SCML2: variants seen among roughly 807,000 people sequenced by gnomAD.
SCML2 encodes sex comb on midleg-like protein 2.
In SCML2, 6 loss-of-function variants were observed where a neutral mutation model predicts 48.4. That is an observed-to-expected ratio of 0.12 (90% confidence interval 0.07 to 0.24). SCML2 has a LOEUF of 0.24. SCML2 is among the 10% of genes least tolerant of loss of function. The pLI is 1.00. For synonymous variants in SCML2, 181 were observed against 189.5 expected, an observed-to-expected ratio of 0.95 and a Z score of 0.37; for missense variants, 377 against 528.2, an observed-to-expected ratio of 0.71 and a Z score of 2.81.
At chrX:18,297,997 AG>A (rs1177826494) in intron 7 of SCML2, among the ~76,000 whole-genome samples, 1 of 111,042 alleles carries the variant, frequency 9.0e-6, no homozygotes, top group Non-Finnish European at 1.9e-5. Context: ...TGACAGAGCA[AG>A]AACCAGTCTC....
intron 7 of SCML2, among the ~76,000 whole-genome samples, chrX:18,271,760 A>C (rs1190150979): frequency 4.6e-5 from 5 of 109,849 alleles, no homozygotes; most frequent in African/African-American, 1.3e-4. Context: ...TCATAGATAA[A>C]AGTTTTGTTC....
rs1602083180 is a variant in SCML2, at chrX:18,258,253, G to A, written c.1070-6C>T. The A allele has an allele frequency of 1.7e-6, 2 of 1,189,134 alleles. No individual in the cohort carries two copies. The highest frequency in any genetic ancestry group is 2.3e-6 in the Non-Finnish European group (2 of 877,593). On this transcript the variant is annotated splice_region_variant and splice_polypyrimidine_tract_variant and intron_variant, in intron 9 of 14. Transcript: ENST00000251900. The stretch of plus-strand genomic sequence containing the variant: ...TTTGTTTACATAGACACAGACTTGA[G>A]AAAAAATGCGTATGCATACATAACA...
chrX:18,305,126 C>G lies in SCML2; in HGVS notation c.576G>C (p.Ala192=). 8.3e-7 allele frequency: 1 copy of G among 1,210,436 alleles called. No individual in the cohort carries two copies. The highest frequency in any genetic ancestry group is 1.1e-6 in the Non-Finnish European group (1 of 895,052). Residue 192 remains alanine, a synonymous_variant, in exon 7 of 15, where the codon GCG becomes GCC. Coordinates refer to ENST00000251900, the MANE Select transcript of SCML2 (RefSeq NM_006089.3). ...DKKNPYLICP[A]TIGDVKGDEV... ...CATCCCCTTTAACATCTCCAATGGT[C>G]GCAGGACAGATGAGATACGGGTTCT... is the stretch of plus-strand genomic sequence containing the variant.
At chrX:18,320,513 T>C (rs935839402) in intron 5 of SCML2, 93 bp from the exon 6 acceptor site, 20 of 494,136 alleles carry the variant, frequency 4.0e-5, no homozygotes, top group Non-Finnish European at 5.6e-5. Context: ...TCACCATTCT[T>C]CTCGAGAGAA....
chrX:18,290,902 A>T (rs1322887788), intron 7 of SCML2, among the ~76,000 whole-genome samples: 1 of 111,481 alleles, frequency 9.0e-6, no homozygotes, highest in Non-Finnish European at 1.9e-5. Context: ...GACTTTAATG[A>T]AATGACTGGC....
intron 8 of SCML2, among the ~76,000 whole-genome samples, chrX:18,264,345 T>C (rs986301576): frequency 2.7e-5 from 3 of 110,878 alleles, no homozygotes; most frequent in Non-Finnish European, 5.7e-5. Context: ...TTACTTCAGA[T>C]ATTGTATTTT....
At position 18,306,684 on chromosome X, in the gene SCML2, A is replaced by G. The variant is rs1344706396; in HGVS notation, c.487-1469T>C. 2.7e-5 allele frequency among the ~76,000 whole-genome samples: 3 copies of G among 111,662 alleles called. 1 individual carries two copies. The highest frequency in any genetic ancestry group is 6.5e-5 in the African/African-American group (2 of 30,695). On this transcript the variant is annotated intron_variant, in intron 6 of 14. Coordinates refer to ENST00000251900, the MANE Select transcript of SCML2 (RefSeq NM_006089.3). ...TAATTCTCTCATCAATTTAAAAAAT[A>G]TATCTGGTAGGTTGGTTTCTTTTTC... is the stretch of plus-strand genomic sequence containing the variant.
chrX:18,272,669 T>C (rs902077385), intron 7 of SCML2, among the ~76,000 whole-genome samples: 4 of 112,101 alleles, frequency 3.6e-5, no homozygotes, highest in Non-Finnish European at 7.5e-5. Flanking sequence ...GCACATTTAA[T>C]CAACAGCAGC....
intron 11 of SCML2, among the ~76,000 whole-genome samples, chrX:18,251,845 T>G (rs1926676550): frequency 8.9e-6 from 1 of 112,271 alleles, no homozygotes; most frequent in African/African-American, 3.2e-5. Flanking sequence ...GCAGCATTCC[T>G]AATAGCCAAA....
chrX:18,309,622 T>C (rs1928882209), intron 6 of SCML2, among the ~76,000 whole-genome samples: 1 of 111,964 alleles, frequency 8.9e-6, no homozygotes, highest in South Asian at 3.7e-4. Context: ...GATCATGTCC[T>C]CTGTAACACA....
At chrX:18,353,490 A>C (rs1930437918) in intron 1 of SCML2, among the ~76,000 whole-genome samples, 1 of 112,270 alleles carries the variant, frequency 8.9e-6, no homozygotes, top group Non-Finnish European at 1.9e-5. Context: ...TAAGCAACTT[A>C]TTCACTTTCC....
intron 11 of SCML2, among the ~76,000 whole-genome samples, chrX:18,254,264 T>G (rs1160904920): frequency 5.3e-5 from 6 of 112,437 alleles, no homozygotes; most frequent in Admixed American, 2.8e-4. Context: ...TTGAGTCACT[T>G]ATTTTAAAAA....
intron 7 of SCML2, among the ~76,000 whole-genome samples, chrX:18,277,178 C>T (rs1927675303): frequency 9.0e-6 from 1 of 111,444 alleles, no homozygotes; most frequent in East Asian, 2.8e-4. Context: ...TCAAGAGATC[C>T]TCCCACTTCA....
At position 18,242,580 on chromosome X, in the gene SCML2, A is replaced by G. The variant is rs945658084; in HGVS notation, c.1833T>C (p.Tyr611=). The change falls in exon 14 of 15, where the codon TAT becomes TAC. Residue 611 remains tyrosine (Y), a synonymous_variant. Transcript: ENST00000251900. The part of the protein sequence containing the change: ...QMQRKSEAPS[Y]IAVPDPSVLK... ...GGACACTGGGATCAGGTACAGCTAT[A>G]TAACTTGGAGCTTCAATGGGGGGGA... The G allele has an allele frequency of 3.3e-6, 4 of 1,202,878 alleles. No homozygotes were observed. The highest frequency in any genetic ancestry group is 4.6e-5 in the Admixed American group (2 of 43,741).
intron 6 of SCML2, among the ~76,000 whole-genome samples, chrX:18,312,982 T>C (rs1392073000): frequency 1.2e-5 from 1 of 81,282 alleles, no homozygotes; most frequent in Non-Finnish European, 2.3e-5. Context: ...GGTGTGCGTG[T>C]GTGTGTGTGT....
At chrX:18,339,364 T>TA (rs1929940596) in intron 1 of SCML2, among the ~76,000 whole-genome samples, 2 of 112,302 alleles carry the variant, frequency 1.8e-5, no homozygotes, top group African/African-American at 6.5e-5. Flanking sequence ...GTATGACTTT[T>TA]AGGTAATTAT....
At chrX:18,307,593 CT>C (rs1290684627) in intron 6 of SCML2, among the ~76,000 whole-genome samples, 3 of 111,784 alleles carry the variant, frequency 2.7e-5, no homozygotes, top group Non-Finnish European at 5.6e-5. Flanking sequence ...GCAAAGCAAA[CT>C]AAGTTCAAAT....
At chrX:18,346,288 C>CA (rs1390203264) in intron 1 of SCML2, among the ~76,000 whole-genome samples, 3 of 110,267 alleles carry the variant, frequency 2.7e-5, no homozygotes, top group Non-Finnish European at 5.7e-5. Context: ...TTCATGGTCT[C>CA]AAAAAGTCAG....
chrX:18,261,333 T>C (rs769172487), intron 8 of SCML2, among the ~76,000 whole-genome samples: 1 of 109,658 alleles, frequency 9.1e-6, no homozygotes, highest in Admixed American at 9.5e-5. Context: ...TTATAATTAC[T>C]GGGTTGACCA....
Sources: gnomAD v4.1 joint callset for allele counts (sites outside exome capture counted in the v4.1 genomes callset) on GRCh38, gnomAD v4.1.1 for gene constraint, MANE v1.5 for transcripts, NCBI Gene and HGNC (gene_info 2026-07-23, HGNC 2026-07-21) for gene names.